GRIK4: variants seen among roughly 807,000 people sequenced by gnomAD.
The protein encoded by GRIK4 is glutamate receptor ionotropic, kainate 4.
A neutral mutation model predicts 104.9 loss-of-function variants in GRIK4; 40 were observed. The ratio of observed to expected loss-of-function variants is 0.38; its 90% CI spans 0.30 to 0.50. GRIK4 has a LOEUF of 0.50. Among genes scored for constraint, GRIK4 ranks in the 20% least tolerant of loss-of-function variants. The probability of loss-of-function intolerance (pLI) is 0.93; values close to 1 mark genes in which losing one functional copy is unlikely to be tolerated. For synonymous variants in GRIK4, 485 were observed against 524.9 expected, an observed-to-expected ratio of 0.92 and a Z score of 1.04; for missense variants, 1,047 against 1,308.1, an observed-to-expected ratio of 0.80 and a Z score of 3.08.
intron 3 of GRIK4, among the ~76,000 whole-genome samples, chr11:120,763,402 T>A (rs1487134246): frequency 2.0e-5 from 3 of 152,196 alleles, no homozygotes; most frequent in African/African-American, 4.8e-5. Flanking sequence ...AGTTCCTGGA[T>A]TCACTGATTT....
intron 3 of GRIK4, among the ~76,000 whole-genome samples, chr11:120,772,835 G>A (rs1386152255): frequency 1.3e-5 from 2 of 151,890 alleles, no homozygotes; most frequent in African/African-American, 2.4e-5. Flanking sequence ...GGGAAAGTGG[G>A]TCCAAGTGCT....
At chr11:120,650,270 C>T (rs1247529730) in intron 1 of GRIK4, among the ~76,000 whole-genome samples, 4 of 152,178 alleles carry the variant, frequency 2.6e-5, no homozygotes, top group African/African-American at 9.6e-5. Flanking sequence ...TATCCTAGAC[C>T]AAGGGGTGCA....
intron 1 of GRIK4, among the ~76,000 whole-genome samples, chr11:120,560,866 A>G (rs1003022063): frequency 6.6e-6 from 1 of 152,172 alleles, no homozygotes; most frequent in Admixed American, 6.5e-5. Context: ...AGCAGTGGGG[A>G]TGGTATGATC....
intron 3 of GRIK4, among the ~76,000 whole-genome samples, chr11:120,708,741 G>C (rs759497595): frequency 2.0e-5 from 3 of 152,188 alleles, no homozygotes; most frequent in Non-Finnish European, 4.4e-5. Context: ...CTGTCTTCCT[G>C]ATACTCTGCT....
chr11:120,565,171 T>G (rs1229738494), intron 1 of GRIK4, among the ~76,000 whole-genome samples: 1 of 152,046 alleles, frequency 6.6e-6, no homozygotes, highest in African/African-American at 2.4e-5. Flanking sequence ...CCTGCTCTCC[T>G]GCCAGCGCGC....
chr11:120,546,967 G>T (rs1034099918), intron 1 of GRIK4, among the ~76,000 whole-genome samples: 1 of 152,240 alleles, frequency 6.6e-6, no homozygotes, highest in Non-Finnish European at 1.5e-5. Flanking sequence ...AAGGTCGGGG[G>T]GTTGGCATTG....
chr11:120,594,196 T>C (rs1948771509), intron 1 of GRIK4, among the ~76,000 whole-genome samples: 1 of 152,240 alleles, frequency 6.6e-6, no homozygotes, highest in Admixed American at 6.5e-5. Flanking sequence ...AATAAAATCC[T>C]GCTGGGCGCA....
At chr11:120,732,594 T>G (rs559376909) in intron 3 of GRIK4, among the ~76,000 whole-genome samples, 1 of 152,358 alleles carries the variant, frequency 6.6e-6, no homozygotes, top group Non-Finnish European at 1.5e-5. Context: ...TTAAATAAAT[T>G]TTTTCATCAT....
At chr11:120,938,160 T>C (rs1390734847) in intron 13 of GRIK4, among the ~76,000 whole-genome samples, 2 of 152,174 alleles carry the variant, frequency 1.3e-5, no homozygotes, top group African/African-American at 4.8e-5. Context: ...ACCTGACACC[T>C]GTGCTCAAAA....
chr11:120,753,323 G>T (rs111844302), intron 3 of GRIK4, among the ~76,000 whole-genome samples: 1 of 140,878 alleles, frequency 7.1e-6, no homozygotes, highest in Non-Finnish European at 1.6e-5. Context: ...GTGTGTGTGT[G>T]TGTGTGTGTG....
At chr11:120,925,602 C>A (rs1280335585) in intron 13 of GRIK4, among the ~76,000 whole-genome samples, 1 of 152,116 alleles carries the variant, frequency 6.6e-6, no homozygotes, top group African/African-American at 2.4e-5. Flanking sequence ...AATTCAGTGC[C>A]CCTTGTCCCA....
chr11:120,842,164 C>T (rs542160832), intron 8 of GRIK4, among the ~76,000 whole-genome samples: 52 of 152,328 alleles, frequency 3.4e-4, no homozygotes, highest in African/African-American at 7.0e-4. Context: ...CAGATCTCAT[C>T]GTTTCACACA....
At chr11:120,745,345 A>G (rs1951420872) in intron 3 of GRIK4, among the ~76,000 whole-genome samples, 2 of 152,162 alleles carry the variant, frequency 1.3e-5, no homozygotes. Flanking sequence ...TTTTCTCTCC[A>G]AAGAATGGGG....
chr11:120,900,540 C>G (rs1376502105), intron 12 of GRIK4, among the ~76,000 whole-genome samples: 2 of 152,082 alleles, frequency 1.3e-5, no homozygotes, highest in East Asian at 3.8e-4. Flanking sequence ...CAGTAAAAAG[C>G]AATGTTGTCA....
chr11:120,745,261 C>T (rs1951419033), intron 3 of GRIK4, among the ~76,000 whole-genome samples: 2 of 152,172 alleles, frequency 1.3e-5, no homozygotes, highest in Admixed American at 6.5e-5. Flanking sequence ...GCCTCTCTCT[C>T]GCCTGCCAAG....
At position 120,629,460 on chromosome 11, in the gene GRIK4, G is replaced by A. The variant is rs546317108; in HGVS notation, c.-158-24225G>A. On this transcript the variant is annotated intron_variant, in intron 1 of 20. Transcript: ENST00000527524. Reference sequence around the variant, plus strand: ...CTGTCGTTCCTGCCACTGCTGGTACGACTGCCCGACTTCTGCCTTCCAGTT... The same window carrying A: ...CTGTCGTTCCTGCCACTGCTGGTACAACTGCCCGACTTCTGCCTTCCAGTT... Among the ~76,000 whole-genome samples the A allele has an allele frequency of 1.1e-4, 17 of 152,196 alleles. No individual in the cohort carries two copies. The East Asian group carries it at 1.4e-3, about 12-fold the overall frequency.
At chr11:120,550,554 A>G (rs1948130288) in intron 1 of GRIK4, among the ~76,000 whole-genome samples, 1 of 152,050 alleles carries the variant, frequency 6.6e-6, no homozygotes, top group South Asian at 2.1e-4. Context: ...GAGGAGGGGC[A>G]GAGGATGGCA....
At chr11:120,871,881 C>A (rs755169907) in intron 9 of GRIK4, 3 of 456,288 alleles carry the variant, frequency 6.6e-6, no homozygotes, top group South Asian at 4.6e-5. Flanking sequence ...CTGGAACAGA[C>A]AAACTTTGTT....
intron 1 of GRIK4, among the ~76,000 whole-genome samples, chr11:120,587,784 C>T (rs1320561955): frequency 2.0e-5 from 3 of 152,190 alleles, no homozygotes; most frequent in Non-Finnish European, 2.9e-5. Flanking sequence ...TACCAGTCAG[C>T]TCTGGTGCTG....
Sources: allele counts gnomAD v4.1 joint callset (sites outside exome capture counted in the v4.1 genomes callset), GRCh38; gene constraint gnomAD v4.1.1; transcripts MANE v1.5; gene names NCBI Gene and HGNC (gene_info 2026-07-23, HGNC 2026-07-21).